The following PCDHA4 variants were observed in gnomAD, a reference collection of about 807,000 sequenced individuals.
PCDHA4 encodes protocadherin alpha-4.
In PCDHA4, 49 loss-of-function variants were observed where a neutral mutation model predicts 61.4. That is an observed-to-expected ratio of 0.80 (90% CI 0.63 to 1.01). The LOEUF is 1.01. Ranked by LOEUF, PCDHA4 falls within the 50% of genes least tolerant of loss-of-function variation. The pLI is 0.00. For missense variants in PCDHA4, 1,254 were observed against 1,235.8 expected (o/e 1.01, Z -0.22); for synonymous variants, 590 against 550.3 (o/e 1.07, Z -1.01).
chr5:140,869,883 T>G, intron 1 of PCDHA4: 1 of 1,610,444 alleles, frequency 6.2e-7, no homozygotes, highest in Admixed American at 1.7e-5. Context: ...AAGAAACTCT[T>G]GTGCTCAAAC....
intron 1 of PCDHA4, among the ~76,000 whole-genome samples, chr5:140,881,132 T>C (rs1215831856): frequency 1.3e-5 from 2 of 152,218 alleles, no homozygotes; most frequent in African/African-American, 4.8e-5. Flanking sequence ...TTGGTAGAGA[T>C]AGTTATAACA....
At chr5:140,925,286 A>G (rs545624226) in intron 1 of PCDHA4, among the ~76,000 whole-genome samples, 9 of 152,288 alleles carry the variant, frequency 5.9e-5, no homozygotes, top group African/African-American at 2.2e-4. Context: ...TTGCCTTTCA[A>G]ATGTTTCATT....
At chr5:140,982,268 A>G (rs2096974621) in intron 2 of PCDHA4, 3 of 885,512 alleles carry the variant, frequency 3.4e-6, no homozygotes, top group South Asian at 2.2e-5. Flanking sequence ...TGTTCCTGGA[A>G]TAGTATAGCA....
chr5:140,824,313 A>G (rs2150134040), intron 1 of PCDHA4: 2 of 757,082 alleles, frequency 2.6e-6, no homozygotes, highest in Middle Eastern at 4.8e-4. Flanking sequence ...TAATAGATTC[A>G]TCAGCTTTCT....
At chr5:140,861,511 T>C in intron 1 of PCDHA4, 1 of 471,158 alleles carries the variant, frequency 2.1e-6, no homozygotes, top group South Asian at 1.7e-5. Flanking sequence ...CTCGAGGAGC[T>C]GTGTGGGAGG....
chr5:140,891,708 C>A (rs1422243783), intron 1 of PCDHA4, among the ~76,000 whole-genome samples: 1 of 152,182 alleles, frequency 6.6e-6, no homozygotes, highest in Middle Eastern at 3.4e-3. Flanking sequence ...TGAATTTGTA[C>A]CCCCAAATTC....
intron 1 of PCDHA4, chr5:140,966,342 T>G: frequency 2.5e-6 from 1 of 395,470 alleles, no homozygotes; most frequent in Non-Finnish European, 4.4e-6. Flanking sequence ...AGGTCCAGGG[T>G]GAAGGAGATG....
At chr5:140,870,239 G>A (rs781847723) in intron 1 of PCDHA4, 2 of 1,614,134 alleles carry the variant, frequency 1.2e-6, no homozygotes, top group South Asian at 1.1e-5. Flanking sequence ...CGTGACTCAG[G>A]TGTCAACGGA....
rs1354024446 is a variant in PCDHA4 at position 140,846,271 on chromosome 5, C to G, written c.2385+36699C>G. Among the ~76,000 whole-genome samples the G allele has an allele frequency of 2.0e-5, 3 of 148,444 alleles. 1 individual carries two copies. The highest frequency in any genetic ancestry group is 3.0e-5 in the Non-Finnish European group (2 of 66,608). Reference sequence around the variant, plus strand: ...TAATGTTTTGATGATGATTTAAAGTCAATTTATGTTGTAGTTCTATGAATT... The same window carrying G: ...TAATGTTTTGATGATGATTTAAAGTGAATTTATGTTGTAGTTCTATGAATT... On this transcript the variant is annotated intron_variant, in intron 1 of 3. Coordinates refer to ENST00000530339, the MANE Select transcript of PCDHA4 (RefSeq NM_018907.4).
At chr5:140,828,888 C>T in intron 1 of PCDHA4, 1 of 1,614,192 alleles carries the variant, frequency 6.2e-7, no homozygotes, top group East Asian at 2.2e-5. Flanking sequence ...AGACTGAATG[C>T]TTCTGATCGG....
At chr5:141,000,395 C>CTATATA (rs1190667031) in intron 3 of PCDHA4, among the ~76,000 whole-genome samples, 4 of 53,980 alleles carry the variant, frequency 7.4e-5, no homozygotes, top group East Asian at 6.1e-4. Context: ...CTCTCTCTCT[C>CTATATA]TATATATATA....
At position 140,843,595 on chromosome 5, in the gene PCDHA4, G is replaced by GTT. The variant is rs1423829570; in HGVS notation, c.2385+34024_2385+34025insTT. On this transcript the variant is annotated intron_variant, in intron 1 of 3. Coordinates refer to ENST00000530339, the MANE Select transcript of PCDHA4 (RefSeq NM_018907.4). ...ACTCGCAACAACAGCCGCAGAGGGT[G>GTT]TGCTCTGGTGAGGGGCCACCGAAGA... The GTT allele has an allele frequency of 1.2e-5, 19 of 1,595,984 alleles. 3 individuals carry two copies. The highest frequency in any genetic ancestry group is 1.5e-5 in the Non-Finnish European group (18 of 1,165,530).
At chr5:140,907,915 C>T (rs1554193177) in intron 1 of PCDHA4, among the ~76,000 whole-genome samples, 1 of 152,234 alleles carries the variant, frequency 6.6e-6, no homozygotes, top group Admixed American at 6.5e-5. Context: ...TTTGACCACT[C>T]AGAGAGGTCC....
chr5:140,881,106 C>T (rs1233394839), intron 1 of PCDHA4, among the ~76,000 whole-genome samples: 1 of 152,114 alleles, frequency 6.6e-6, no homozygotes, highest in Non-Finnish European at 1.5e-5. Context: ...CACCATTTGG[C>T]CTGGGATTTT....
At chr5:140,965,238 A>T (rs540671197) in intron 1 of PCDHA4, among the ~76,000 whole-genome samples, 1 of 152,314 alleles carries the variant, frequency 6.6e-6, no homozygotes, top group African/African-American at 2.4e-5. Flanking sequence ...ACCTGGGAAG[A>T]GTGAATATTC....
chr5:140,999,183 AG>A (rs1233229901), intron 3 of PCDHA4, among the ~76,000 whole-genome samples: 2 of 152,200 alleles, frequency 1.3e-5, no homozygotes, highest in East Asian at 1.9e-4. Flanking sequence ...TGATGGGGAG[AG>A]GGTCCTTGGA....
chr5:140,926,985 G>A, intron 1 of PCDHA4: 1 of 1,611,068 alleles, frequency 6.2e-7, no homozygotes, highest in Non-Finnish European at 8.5e-7. Flanking sequence ...AGGAGACGGA[G>A]CGGGGCGTAG....
intron 1 of PCDHA4, chr5:140,823,361 T>A (rs2150125012): frequency 1.9e-5 from 30 of 1,612,648 alleles, no homozygotes; most frequent in Non-Finnish European, 2.5e-5. Context: ...GAAGTGGAGC[T>A]GCTGCAGTTC....
At chr5:140,834,568 G>A (rs2150221321) in intron 1 of PCDHA4, 2 of 1,613,978 alleles carry the variant, frequency 1.2e-6, no homozygotes, top group South Asian at 1.1e-5. Flanking sequence ...CTGGTGCCGC[G>A]CCTGTTCCGG....
Sources: gnomAD v4.1 joint callset for allele counts (sites outside exome capture counted in the v4.1 genomes callset) on GRCh38, gnomAD v4.1.1 for gene constraint, MANE v1.5 for transcripts, NCBI Gene and HGNC (gene_info 2026-07-23, HGNC 2026-07-21) for gene names.